CTBP1: variants seen among roughly 807,000 people sequenced by gnomAD.
CTBP1 encodes C-terminal-binding protein 1.
In CTBP1, 11 loss-of-function variants were observed where a neutral mutation model predicts 42.1. The observed-to-expected ratio is 0.26, with a 90% confidence interval of 0.16 to 0.43. The LOEUF is 0.43. CTBP1 is among the 20% of genes least tolerant of loss of function. The pLI, the probability that CTBP1 is intolerant of heterozygous loss-of-function variation, is 1.00. For missense variants in CTBP1, 399 were observed against 624.3 expected (o/e 0.64, Z 3.85); for synonymous variants, 324 against 277.1 (o/e 1.17, Z -1.68).
intron 3 of CTBP1, among the ~76,000 whole-genome samples, chr4:1,229,875 G>A (rs547320827): frequency 3.6e-4 from 55 of 152,322 alleles, no homozygotes; most frequent in African/African-American, 1.3e-3. Flanking sequence ...GGACCATGGA[G>A]GACCACACAG....
chr4:1,248,325 C>A (rs1228644507), intron 1 of CTBP1, among the ~76,000 whole-genome samples: 2 of 151,764 alleles, frequency 1.3e-5, no homozygotes, highest in Non-Finnish European at 2.9e-5. Context: ...GCGCTTTGGG[C>A]CCGGTCTGAG....
chr4:1,215,601 G>C (rs940925503), intron 6 of CTBP1: 1 of 292,660 alleles, frequency 3.4e-6, no homozygotes, highest in Admixed American at 5.0e-5. Context: ...AGATGTCAGA[G>C]GCCGACCTGA....
At chr4:1,231,766 G>A (rs3822018) in intron 3 of CTBP1, among the ~76,000 whole-genome samples, 7,800 of 152,318 alleles carry the variant, frequency 0.051, 278 homozygotes, top group East Asian at 0.17. Context: ...GCTGAAGACC[G>A]CAGGTTTCAG....
chr4:1,249,745 C>A, upstream of CTBP1: 1 of 354,790 alleles, frequency 2.8e-6, no homozygotes. Context: ...GGAGGGACCG[C>A]GTCCTGCCCG....
At position 1,240,019 on chromosome 4, in the gene CTBP1, T is replaced by C. The variant is rs548895006; in HGVS notation, c.7+1306A>G. ...AAAGGTTTATGTTGCTGTTTCTGAGTGAGTGGATAGACATCCGCTCTCAGT... is the reference window on the plus strand; with the variant it reads ...AAAGGTTTATGTTGCTGTTTCTGAGCGAGTGGATAGACATCCGCTCTCAGT... On this transcript the variant is annotated intron_variant, in intron 2 of 9. Transcript: ENST00000382952. Among the ~76,000 whole-genome samples the C allele has an allele frequency of 2.3e-4, 35 of 152,348 alleles. No homozygotes were observed. The South Asian group carries it at 6.8e-3, about 30-fold the overall frequency.
chr4:1,242,046 G>A (rs1177672787), intron 1 of CTBP1: 42 of 989,110 alleles, frequency 4.2e-5, no homozygotes, highest in Non-Finnish European at 4.6e-5. Flanking sequence ...CCTGCACTGA[G>A]CCGCGCCGGC....
chr4:1,247,894 G>C (rs1031472394), intron 1 of CTBP1, among the ~76,000 whole-genome samples: 1 of 152,194 alleles, frequency 6.6e-6, no homozygotes, highest in African/African-American at 2.4e-5. Context: ...GGGCGCGACC[G>C]CCTTCCCTTT....
intron 3 of CTBP1, chr4:1,237,281 G>C: frequency 1.5e-6 from 1 of 672,734 alleles, no homozygotes; most frequent in Non-Finnish European, 2.7e-6. Context: ...ATGGGGCTCA[G>C]GGAAAACCCG....
At chr4:1,247,337 T>C (rs1471005689) in intron 1 of CTBP1, among the ~76,000 whole-genome samples, 1 of 151,908 alleles carries the variant, frequency 6.6e-6, no homozygotes, top group Non-Finnish European at 1.5e-5. Flanking sequence ...AGGACGCCTG[T>C]ATGGAAGCAG....
At position 1,216,057 on chromosome 4, in the gene CTBP1, G is replaced by A. The variant is rs1233860554; in HGVS notation, c.663C>T (p.Cys221=). 5.6e-6 allele frequency: 9 copies of A among 1,611,680 alleles called. No homozygotes were observed. The East Asian group carries it at 1.1e-4, about 20-fold the overall frequency. The change falls in exon 6 of 10, where the codon TGC becomes TGT. Residue 221 remains cysteine (C), a synonymous_variant. Transcript: ENST00000382952. ...CGTTGAGGCCGCAGTGCAGGGTCACGCAGTCGCTGTGGAAGAGCAGGTCCT... is the reference window on the plus strand; with the variant it reads ...CGTTGAGGCCGCAGTGCAGGGTCACACAGTCGCTGTGGAAGAGCAGGTCCT... The part of the protein sequence containing the change: ...TLQDLLFHSD[C]VTLHCGLNEH...
In CTBP1 at chr4:1,238,700, TCCAGACCCTCTGAGAACCTC is replaced by T. The variant is rs1461521122; in HGVS notation, c.8-383_8-364del. 6.8e-5 allele frequency among the ~76,000 whole-genome samples: 9 copies of T among 133,094 alleles called. No homozygotes were observed. Among genetic ancestry groups the T allele is most frequent in the African/African-American group, 2.3e-4 (8 of 34,166 alleles). 87.3% of individuals were successfully genotyped at this position (133,094 alleles called of 152,430 possible). A position where few individuals can be genotyped will look rare whatever the true frequency, so the allele number is the denominator to read the frequency against. ...ACCCTCCGAGACCCCCCAAGAAATC[TCCAGACCCTCTGAGAACCTC>T]CCAGACCCTCTGAGACTCCCCAAGA... On this transcript the variant is annotated intron_variant, in intron 2 of 9. Coordinates refer to ENST00000382952, the MANE Select transcript of CTBP1 (RefSeq NM_001012614.2). This position sits in a 1 kb window ranked among gnomAD's most constrained non-coding sequence, Gnocchi z 5.9.
chr4:1,217,222 G>A (rs1312905448), intron 5 of CTBP1: 2 of 152,336 alleles, frequency 1.3e-5, no homozygotes, highest in Non-Finnish European at 2.9e-5. Context: ...ACTCTGGGAA[G>A]AGGACTGGGG....
rs113724282 is a variant in CTBP1 at position 1,228,480 on chromosome 4, G to C, written c.163-137C>G. On this transcript the variant is annotated intron_variant, in intron 3 of 9. Transcript: ENST00000382952. ...TCCCCAAGCACCAGCCCGGACACTG[G>C]GAGAGGCTACATGAAGGCTTCCCCG... 7.9e-4 allele frequency: 878 copies of C among 1,115,404 alleles called. 7 individuals are homozygous for C. In the African/African-American group the frequency reaches 0.012, roughly 15 times the overall value. 69.1% of individuals were successfully genotyped at this position (1,115,404 alleles called of 1,614,324 possible).
intron 3 of CTBP1, among the ~76,000 whole-genome samples, chr4:1,229,499 G>GC (rs1273671991): frequency 6.6e-6 from 1 of 152,250 alleles, no homozygotes; most frequent in Non-Finnish European, 1.5e-5. Flanking sequence ...GTCCAGCGGG[G>GC]CCCCAGGTAC....
At chr4:1,245,114 C>T (rs1732581180) in intron 1 of CTBP1, 1 of 985,314 alleles carries the variant, frequency 1.0e-6, no homozygotes, top group South Asian at 4.7e-5. Flanking sequence ...GACGACAGCA[C>T]CCCAGACAGA....
chr4:1,245,774 G>A (rs1260390695), intron 1 of CTBP1, among the ~76,000 whole-genome samples: 2 of 152,064 alleles, frequency 1.3e-5, no homozygotes, highest in Non-Finnish European at 2.9e-5. Context: ...GGTGGCTTGG[G>A]CCACACCAGG....
chr4:1,236,439 A>G (rs960770609), intron 3 of CTBP1: 1 of 570,682 alleles, frequency 1.8e-6, no homozygotes. Flanking sequence ...CGGGGGAAGC[A>G]CCTTACTCCA....
chr4:1,220,668 G>A (rs890124130), intron 5 of CTBP1, among the ~76,000 whole-genome samples: 8 of 152,358 alleles, frequency 5.3e-5, no homozygotes, highest in Non-Finnish European at 8.8e-5. Context: ...CAGGTCCACG[G>A]AACAGAAGAG....
intron 4 of CTBP1, among the ~76,000 whole-genome samples, chr4:1,226,572 C>G (rs964991565): frequency 6.7e-6 from 1 of 150,268 alleles, no homozygotes; most frequent in Non-Finnish European, 1.5e-5. Flanking sequence ...GAGATTGGAA[C>G]AAAGACCTCC....
Sources: allele counts gnomAD v4.1 joint callset (sites outside exome capture counted in the v4.1 genomes callset), GRCh38; gene constraint gnomAD v4.1.1; non-coding constraint Gnocchi (gnomAD v3.1); transcripts MANE v1.5; gene names NCBI Gene and HGNC (gene_info 2026-07-23, HGNC 2026-07-21).